The following ASAP1 variants were observed in gnomAD, a reference collection of about 807,000 sequenced individuals.
The protein encoded by ASAP1 is ArfGAP with SH3 domain, ankyrin repeat and PH domain 1.
A neutral mutation model predicts 145.2 loss-of-function variants in ASAP1; 43 were observed. That is an observed-to-expected ratio of 0.30 (90% CI 0.23 to 0.38). The LOEUF (loss-of-function observed/expected upper bound fraction) is 0.38. ASAP1 is among the 10% of genes least tolerant of loss of function. ASAP1 has a pLI of 1.00. For missense variants in ASAP1, 1,018 were observed against 1,355.3 expected (o/e 0.75, Z 3.91); for synonymous variants, 546 against 515.5 (o/e 1.06, Z -0.80).
chr8:130,100,787 G>C (rs2097527434), intron 24 of ASAP1, among the ~76,000 whole-genome samples: 1 of 152,170 alleles, frequency 6.6e-6, no homozygotes, highest in African/African-American at 2.4e-5. Flanking sequence ...GCATTCAACA[G>C]GTTGTCTCTT....
chr8:130,243,993 A>AT (rs1174506864), intron 3 of ASAP1, among the ~76,000 whole-genome samples: 4 of 151,908 alleles, frequency 2.6e-5, no homozygotes, highest in Admixed American at 6.5e-5. Context: ...AATATCTATT[A>AT]TTTTTTTTAC....
At chr8:130,234,946 T>C (rs995617635) in intron 4 of ASAP1, among the ~76,000 whole-genome samples, 3 of 152,142 alleles carry the variant, frequency 2.0e-5, no homozygotes, top group Non-Finnish European at 2.9e-5. Flanking sequence ...GCTGTCCTTT[T>C]CCCCCATCTA....
chr8:130,317,119 TATA>T (rs1215790346), intron 3 of ASAP1, among the ~76,000 whole-genome samples: 12 of 151,860 alleles, frequency 7.9e-5, no homozygotes, highest in Non-Finnish European at 1.2e-4. Flanking sequence ...TACAGCTGTC[TATA>T]ACAAAACTTT....
chr8:130,282,812 C>T (rs1367303636), intron 3 of ASAP1, among the ~76,000 whole-genome samples: 2 of 152,162 alleles, frequency 1.3e-5, no homozygotes, highest in Non-Finnish European at 2.9e-5. Context: ...GGATCATAAA[C>T]TGAAATAGTT....
At chr8:130,130,330 C>T (rs914182655) in intron 15 of ASAP1, among the ~76,000 whole-genome samples, 2 of 152,172 alleles carry the variant, frequency 1.3e-5, no homozygotes, top group Non-Finnish European at 2.9e-5. Context: ...TAAGAAAACA[C>T]TTTTGTTGAC....
At chr8:130,057,075 A>G (rs1405269269) in intron 29 of ASAP1, among the ~76,000 whole-genome samples, 1 of 152,226 alleles carries the variant, frequency 6.6e-6, no homozygotes, top group East Asian at 1.9e-4. Context: ...TTTTCATTTA[A>G]TCTTTTCCTA....
chr8:130,105,574 TTCC>T (rs2097535596), intron 24 of ASAP1, among the ~76,000 whole-genome samples: 1 of 152,230 alleles, frequency 6.6e-6, no homozygotes, highest in Admixed American at 6.5e-5. Flanking sequence ...CTTGAACTTA[TTCC>T]TCCTAACTGA....
chr8:130,159,686 A>G (rs1393336514), intron 12 of ASAP1, among the ~76,000 whole-genome samples, 178 bp downstream of exon 12: 1 of 152,148 alleles, frequency 6.6e-6, no homozygotes, highest in Admixed American at 6.5e-5. Flanking sequence ...CCACAGAGCA[A>G]TTACTGTTTC....
At chr8:130,394,369 A>G (rs1014024681) in intron 2 of ASAP1, among the ~76,000 whole-genome samples, 2 of 152,174 alleles carry the variant, frequency 1.3e-5, no homozygotes, top group Admixed American at 6.5e-5. Context: ...AATAAGCCCC[A>G]GACTCCCATA....
At chr8:130,231,615 G>A (rs982369741) in intron 4 of ASAP1, among the ~76,000 whole-genome samples, 1 of 152,118 alleles carries the variant, frequency 6.6e-6, no homozygotes, top group Non-Finnish European at 1.5e-5. Context: ...CTAGTAGCAG[G>A]AATATCCTGA....
chr8:130,291,743 C>A (rs570809139), intron 3 of ASAP1, among the ~76,000 whole-genome samples: 3 of 152,316 alleles, frequency 2.0e-5, no homozygotes, highest in African/African-American at 7.2e-5. Flanking sequence ...GAGAGATTCA[C>A]TCTTGCTTAT....
intron 3 of ASAP1, among the ~76,000 whole-genome samples, chr8:130,314,982 C>T (rs1429466936): frequency 1.3e-5 from 2 of 152,180 alleles, no homozygotes; most frequent in African/African-American, 4.8e-5. Context: ...TTCTGAATTT[C>T]GGTTACCGAT....
intron 3 of ASAP1, among the ~76,000 whole-genome samples, chr8:130,306,920 G>C (rs1823028645): frequency 1.3e-5 from 2 of 152,190 alleles, no homozygotes; most frequent in South Asian, 4.1e-4. Context: ...ACTCCACCCA[G>C]GTCTGAGTGT....
intron 1 of ASAP1, among the ~76,000 whole-genome samples, chr8:130,421,569 A>G (rs139007026): frequency 1.2e-3 from 176 of 152,276 alleles, no homozygotes; most frequent in African/African-American, 4.2e-3. Context: ...TGCTTTCTCC[A>G]GGCTCCTTCC....
At chr8:130,158,683 T>C (rs996918468) in intron 12 of ASAP1, among the ~76,000 whole-genome samples, 2 of 151,648 alleles carry the variant, frequency 1.3e-5, no homozygotes, top group Admixed American at 6.6e-5. Flanking sequence ...GTTGAGATGC[T>C]ATATGCAAAG....
At chr8:130,197,119 A>G (rs1815548545) in intron 5 of ASAP1, among the ~76,000 whole-genome samples, 1 of 152,230 alleles carries the variant, frequency 6.6e-6, no homozygotes, top group South Asian at 2.1e-4. Flanking sequence ...TGCCAGTGTC[A>G]GTGGATCGAG....
chr8:130,121,097 C>T (rs923400726), intron 18 of ASAP1, among the ~76,000 whole-genome samples: 3 of 152,216 alleles, frequency 2.0e-5, no homozygotes, highest in Non-Finnish European at 4.4e-5. Context: ...ATCCTGTTGG[C>T]TCTCCCTTCA....
intron 3 of ASAP1, among the ~76,000 whole-genome samples, chr8:130,355,897 G>A (rs1468178273): frequency 6.6e-6 from 1 of 152,064 alleles, no homozygotes; most frequent in East Asian, 1.9e-4. Context: ...CTCAAGTTCA[G>A]AATAAAAATT....
chr8:130,131,559 T>C (rs946042485), intron 15 of ASAP1, among the ~76,000 whole-genome samples: 1 of 142,210 alleles, frequency 7.0e-6, no homozygotes, highest in Non-Finnish European at 1.5e-5. Flanking sequence ...AGCTCAGGAG[T>C]TTGAGGCCAG....
Sources: allele counts gnomAD v4.1 joint callset (sites outside exome capture counted in the v4.1 genomes callset), GRCh38; gene constraint gnomAD v4.1.1; transcripts MANE v1.5; gene names NCBI Gene and HGNC (gene_info 2026-07-23, HGNC 2026-07-21).